Variants in BLCAP observed in about 807,000 individuals in gnomAD.
The protein encoded by BLCAP is apoptosis inducing factor BLCAP.
In BLCAP, 1 loss-of-function variant was observed where a neutral mutation model predicts 5.7. The ratio of observed to expected loss-of-function variants is 0.18; its 90% confidence interval spans 0.06 to 0.83. The LOEUF (loss-of-function observed/expected upper bound fraction) is 0.83. Among genes scored for constraint, BLCAP ranks in the 40% least tolerant of loss-of-function variants. The pLI is 0.71. For synonymous variants in BLCAP, 48 were observed against 49.4 expected, an observed-to-expected ratio of 0.97 and a Z score of 0.11; for missense variants, 66 against 107.6, an observed-to-expected ratio of 0.61 and a Z score of 1.71.
intron 1 of BLCAP, chr20:37,523,335 G>C (rs747050396): frequency 6.6e-6 from 1 of 152,562 alleles, no homozygotes; most frequent in African/African-American, 2.4e-5. Flanking sequence ...TTGCTCTCTC[G>C]ATTCCCCTTT....
chr20:37,522,746 G>A (rs1375784052), intron 1 of BLCAP: 20 of 1,605,156 alleles, frequency 1.2e-5, no homozygotes, highest in Admixed American at 1.7e-5. Flanking sequence ...CGCAGGCAGC[G>A]AGCCCCCAAC....
Position 37,518,799 on chromosome 20 carries a change from A to G in BLCAP, c.*112T>C. 6.9e-7 allele frequency: 1 copy of G among 1,449,612 alleles called. No individual in the cohort carries two copies. The highest frequency in any genetic ancestry group is 9.3e-7 in the Non-Finnish European group (1 of 1,077,826). 89.8% of individuals were successfully genotyped at this position (1,449,612 alleles called of 1,614,324 possible). A position where few individuals can be genotyped will look rare whatever the true frequency, so the allele number is the denominator to read the frequency against. On this transcript the variant is annotated 3_prime_UTR_variant, in exon 2 of 2. Coordinates refer to ENST00000373537, the MANE Select transcript of BLCAP (RefSeq NM_006698.4). ...CATCACAGGCCAAAAAGGCGCCGTC[A>G]GGAATGTGACACCCGCGAGGCTGCG...
chr20:37,521,149 G>A lies in BLCAP; in HGVS notation c.-176-1799C>T. 1.5e-6 allele frequency: 1 copy of A among 668,722 alleles called. No homozygotes were observed. The highest frequency in any genetic ancestry group is 2.7e-6 in the Non-Finnish European group (1 of 372,462). The allele number at this position is 668,722 out of a possible 1,614,324, so 41.4% of individuals were successfully genotyped here. A position where few individuals can be genotyped will look rare whatever the true frequency, so the allele number is the denominator to read the frequency against. ...ATTTTTTTCCTCTCCTGGCGAATGA[G>A]GAGCGCCCCCAGCCACCCCTCCTCA... is the stretch of plus-strand genomic sequence containing the variant. On this transcript the variant is annotated intron_variant, in intron 1 of 1. Transcript: ENST00000373537. This position sits in a 1 kb window ranked among gnomAD's most constrained non-coding sequence, Gnocchi z 4.5.
chr20:37,522,726 G>A, intron 1 of BLCAP: 1 of 1,611,166 alleles, frequency 6.2e-7, no homozygotes, highest in Non-Finnish European at 8.5e-7. Flanking sequence ...GGCGGCAGGT[G>A]TTGGGGGAGC....
chr20:37,519,973 C>G (rs149148408), intron 1 of BLCAP, among the ~76,000 whole-genome samples: 8 of 152,236 alleles, frequency 5.3e-5, no homozygotes, highest in Non-Finnish European at 8.8e-5. Context: ...AACAGCCCAG[C>G]GTCACTTTGC....
At chr20:37,522,464 A>G in intron 1 of BLCAP, 2 of 1,600,290 alleles carry the variant, frequency 1.2e-6, no homozygotes, top group Non-Finnish European at 1.7e-6. Context: ...GGGTCCAATC[A>G]GCTTGCCGCC....
At chr20:37,522,740 G>A (rs768684112) in intron 1 of BLCAP, 3 of 1,607,548 alleles carry the variant, frequency 1.9e-6, no homozygotes, top group South Asian at 2.2e-5. Context: ...GGGGAGCGCA[G>A]GCAGCGAGCC....
At chr20:37,520,977 C>G (rs1253140135) in intron 1 of BLCAP, among the ~76,000 whole-genome samples, 2 of 152,156 alleles carry the variant, frequency 1.3e-5, no homozygotes, top group Non-Finnish European at 2.9e-5. Flanking sequence ...AGACCTGCAC[C>G]CCCATTCTCG....
intron 1 of BLCAP, chr20:37,520,494 A>T (rs141721557): frequency 1.8e-3 from 277 of 152,408 alleles, no homozygotes; most frequent in Middle Eastern, 6.8e-3. Context: ...TCCAGCAGAA[A>T]ACTATCCCCA....
At chr20:37,522,613 A>C in intron 1 of BLCAP, 2 of 1,519,632 alleles carry the variant, frequency 1.3e-6, no homozygotes, top group Non-Finnish European at 1.8e-6. Flanking sequence ...GCAGCACCAC[A>C]GACATGCTGT....
At chr20:37,519,682 G>A (rs1197687713) in intron 1 of BLCAP, among the ~76,000 whole-genome samples, 3 of 152,150 alleles carry the variant, frequency 2.0e-5, no homozygotes, top group Non-Finnish European at 2.9e-5. Flanking sequence ...ATCATGTATC[G>A]CCTCCTGGGG....
rs1203832349 is a variant in BLCAP at position 37,517,507 on chromosome 20, C to T, written c.*1404G>A. On this transcript the variant is annotated 3_prime_UTR_variant, in exon 2 of 2. Coordinates refer to ENST00000373537, the MANE Select transcript of BLCAP (RefSeq NM_006698.4). ...CTAGAATAGCAGTCCAGACGTTTCA[C>T]AAGTATGGCCTCACAGTCCCATTCC... 1 of 152,614 alleles carries T rather than the reference C, an allele frequency of 6.6e-6. No individual in the cohort carries two copies. Among genetic ancestry groups the T allele is most frequent in the Non-Finnish European group, 1.5e-5 (1 of 68,044 alleles). The allele number at this position is 152,614 out of a possible 1,614,324, so 9.5% of individuals were successfully genotyped here.
Position 37,518,090 on chromosome 20 carries a change from A to C in BLCAP, c.*821T>G, listed in dbSNP as rs2071441256. 6.6e-6 allele frequency: 1 copy of C among 152,336 alleles called. No individual in the cohort carries two copies. The highest frequency in any genetic ancestry group is 1.5e-5 in the Non-Finnish European group (1 of 68,086). 9.4% of individuals were successfully genotyped at this position (152,336 alleles called of 1,614,324 possible). ...CACTCACTCAGCTGGGGACTGCTAG[A>C]ACTACGTGAACACACCATACTTCAA... On this transcript the variant is annotated 3_prime_UTR_variant, in exon 2 of 2. Coordinates refer to ENST00000373537, the MANE Select transcript of BLCAP (RefSeq NM_006698.4).
In BLCAP at chr20:37,521,356, G is replaced by A. The variant is rs1469640250; in HGVS notation, c.-176-2006C>T. On this transcript the variant is annotated intron_variant, in intron 1 of 1. Coordinates refer to ENST00000373537, the MANE Select transcript of BLCAP (RefSeq NM_006698.4). The surrounding 1 kb of genome is among the most constrained non-coding windows in gnomAD (Gnocchi z 4.5). ...CATGGCGGCAGTGGCGGCGGCCTCG[G>A]CTGAACTGCTCATCATCGGCTGGTA... 1.2e-6 allele frequency: 2 copies of A among 1,614,088 alleles called. No individual in the cohort carries two copies. The highest frequency in any genetic ancestry group is 2.2e-5 in the East Asian group (1 of 44,856).
rs1402796965 is a variant in BLCAP at position 37,521,445 on chromosome 20, C to A, written c.-176-2095G>T. On this transcript the variant is annotated intron_variant, in intron 1 of 1. Transcript: ENST00000373537. This position sits in a 1 kb window ranked among gnomAD's most constrained non-coding sequence, Gnocchi z 4.5. ...TTCGGGTGGGAGAGGGTTCCCAACT[C>A]GCGCCCCTAGAACCCGCAAGACTGC... The A allele has an allele frequency of 6.9e-6, 11 of 1,588,976 alleles. No individual in the cohort carries two copies. Among genetic ancestry groups the A allele is most frequent in the Non-Finnish European group, 9.5e-6 (11 of 1,157,164 alleles).
intron 1 of BLCAP, chr20:37,522,698 A>G: frequency 1.2e-6 from 2 of 1,612,374 alleles, no homozygotes; most frequent in Non-Finnish European, 1.7e-6. Flanking sequence ...AAGCTGGCAT[A>G]CACGGTGTCG....
At chr20:37,522,451 T>C (rs926574541) in intron 1 of BLCAP, 85 of 1,611,302 alleles carry the variant, frequency 5.3e-5, no homozygotes, top group African/African-American at 3.1e-4. Flanking sequence ...ATACCTAAGT[T>C]GTGGGTCCAA....
At chr20:37,526,121 G>C (rs2071713652) in intron 1 of BLCAP, among the ~76,000 whole-genome samples, 1 of 152,142 alleles carries the variant, frequency 6.6e-6, no homozygotes, top group South Asian at 2.1e-4. Flanking sequence ...TCAGGGAAGG[G>C]CAGGGGCAAG....
In BLCAP at chr20:37,521,807, G is replaced by A. The variant is rs148602520; in HGVS notation, c.-176-2457C>T. 391 of 165,864 alleles carry A rather than the reference G, an allele frequency of 2.4e-3. 1 individual carries two copies. Among genetic ancestry groups the A allele is most frequent in the African/African-American group, 9.0e-3 (379 of 42,036 alleles). 10.3% of individuals were successfully genotyped at this position (165,864 alleles called of 1,614,324 possible). A position where few individuals can be genotyped will look rare whatever the true frequency, so the allele number is the denominator to read the frequency against. On this transcript the variant is annotated intron_variant, in intron 1 of 1. Transcript: ENST00000373537. The surrounding 1 kb of genome is among the most constrained non-coding windows in gnomAD (Gnocchi z 4.5). ...TCCACCTTAAAAAATTGCGCATTGC[G>A]GAGAAATTTTATTTAAAAAAACATA...
Sources: gnomAD v4.1 joint callset for allele counts (sites outside exome capture counted in the v4.1 genomes callset) on GRCh38, gnomAD v4.1.1 for gene constraint, Gnocchi (gnomAD v3.1) non-coding constraint, MANE v1.5 for transcripts, NCBI Gene and HGNC (gene_info 2026-07-23, HGNC 2026-07-21) for gene names.